Variants in LRP1B observed in about 807,000 individuals in gnomAD.
The protein encoded by LRP1B is low-density lipoprotein receptor-related protein 1B.
Under a neutral mutation model 556.6 loss-of-function variants are expected in LRP1B, and 217 were observed. The observed-to-expected ratio is 0.39, with a 90% CI of 0.35 to 0.44. The LOEUF (loss-of-function observed/expected upper bound fraction) is 0.44. LRP1B is among the 20% of genes least tolerant of loss of function. The probability of loss-of-function intolerance (pLI) is 1.00; values close to 1 mark genes in which losing one functional copy is unlikely to be tolerated. For missense variants in LRP1B, 5,053 were observed against 5,620.8 expected (o/e 0.90, Z 3.23); for synonymous variants, 2,047 against 1,865.8 (o/e 1.10, Z -2.50).
chr2:140,358,212 A>T, intron 73 of LRP1B, 96 bp from the exon 74 acceptor site: 1 of 1,171,750 alleles, frequency 8.5e-7, no homozygotes, highest in South Asian at 1.7e-5. Context: ...CTACTATGAA[A>T]AACATGGGTT....
chr2:141,620,875 A>G (rs1157579200), intron 2 of LRP1B, among the ~76,000 whole-genome samples: 1 of 152,044 alleles, frequency 6.6e-6, no homozygotes, highest in African/African-American at 2.4e-5. Flanking sequence ...ATACTGGGAA[A>G]GTTTCCAGAC....
chr2:140,237,094 G>A (rs1186889959), intron 89 of LRP1B, among the ~76,000 whole-genome samples: 1 of 150,594 alleles, frequency 6.6e-6, no homozygotes, highest in African/African-American at 2.4e-5. Context: ...TCACCTAACT[G>A]TGCAACAGAA....
chr2:141,115,605 C>T (rs1700872898), intron 7 of LRP1B, among the ~76,000 whole-genome samples: 1 of 149,850 alleles, frequency 6.7e-6, no homozygotes, highest in South Asian at 2.1e-4. Flanking sequence ...TACAGGCTCC[C>T]GCCACCATGC....
intron 3 of LRP1B, among the ~76,000 whole-genome samples, chr2:141,405,781 A>C (rs1690611320): frequency 6.6e-6 from 1 of 152,146 alleles, no homozygotes; most frequent in African/African-American, 2.4e-5. Flanking sequence ...ATATGATAAA[A>C]ATTTGGCATT....
At chr2:141,317,563 G>T (rs1687081193) in intron 3 of LRP1B, among the ~76,000 whole-genome samples, 1 of 152,122 alleles carries the variant, frequency 6.6e-6, no homozygotes, top group Admixed American at 6.5e-5. Context: ...TATGCTTTGG[G>T]GTTGAGGTGG....
intron 3 of LRP1B, among the ~76,000 whole-genome samples, chr2:141,442,620 C>T (rs1681024994): frequency 6.6e-6 from 1 of 152,030 alleles, no homozygotes; most frequent in Non-Finnish European, 1.5e-5. Flanking sequence ...TGATGTTCCC[C>T]TCCCTGTGTC....
chr2:141,443,048 C>T (rs1053963544), intron 3 of LRP1B, among the ~76,000 whole-genome samples: 1 of 152,030 alleles, frequency 6.6e-6, no homozygotes, highest in African/African-American at 2.4e-5. Flanking sequence ...CCCCACCAAC[C>T]GTGTAAAAGT....
chr2:140,391,891 C>G (rs1684038863), intron 66 of LRP1B, among the ~76,000 whole-genome samples: 1 of 152,096 alleles, frequency 6.6e-6, no homozygotes, highest in Non-Finnish European at 1.5e-5. Context: ...GCTCATCAAT[C>G]ATGCAAGTTT....
At chr2:141,091,346 G>T (rs2104910764) in intron 7 of LRP1B, among the ~76,000 whole-genome samples, 1 of 152,232 alleles carries the variant, frequency 6.6e-6, no homozygotes, top group South Asian at 2.1e-4. Context: ...GGAGACAAGA[G>T]GCTATCAAAA....
rs752526342 is a variant in LRP1B, at chr2:140,840,949, G to A, written c.5083C>T (p.Pro1695Ser). The change falls in exon 30 of 91, where the codon CCA (proline) becomes TCA (serine). Residue 1695 changes from proline to serine, a missense_variant. Coordinates refer to ENST00000389484, the MANE Select transcript of LRP1B (RefSeq NM_018557.3). Reference sequence around the variant, plus strand: ...ACTGGGTGAGCTGCAAGACACTGTGGCTTATCGATTCCATGGATAATTGAG... The same window carrying A: ...ACTGGGTGAGCTGCAAGACACTGTGACTTATCGATTCCATGGATAATTGAG... ...KTSIIHGIDK[P>S]QCLAAHPVRG... 6.2e-7 allele frequency: 1 copy of A among 1,612,994 alleles called. No individual in the cohort carries two copies. The highest frequency in any genetic ancestry group is 1.1e-5 in the South Asian group (1 of 90,930).
intron 34 of LRP1B, among the ~76,000 whole-genome samples, chr2:140,769,827 T>C: frequency 3.0e-5 from 1 of 33,520 alleles, no homozygotes; most frequent in East Asian, 0.036. Context: ...AATAGACATT[T>C]AGATTTCTTA....
chr2:142,108,327 A>C (rs938934245), intron 1 of LRP1B, among the ~76,000 whole-genome samples: 1 of 152,176 alleles, frequency 6.6e-6, no homozygotes, highest in Admixed American at 6.6e-5. Context: ...CATGGGAAAT[A>C]GCAATCCAAA....
chr2:141,119,320 G>T (rs895262763), intron 7 of LRP1B, among the ~76,000 whole-genome samples: 1 of 151,860 alleles, frequency 6.6e-6, no homozygotes. Flanking sequence ...CCACAACGTT[G>T]TACTGTATAA....
At chr2:141,343,788 T>C (rs1183297389) in intron 3 of LRP1B, among the ~76,000 whole-genome samples, 2 of 152,236 alleles carry the variant, frequency 1.3e-5, no homozygotes, top group Non-Finnish European at 2.9e-5. Context: ...AGTTTTCTTA[T>C]AAGCATGTGC....
intron 5 of LRP1B, among the ~76,000 whole-genome samples, chr2:141,246,024 T>A (rs890107739): frequency 1.2e-4 from 18 of 152,196 alleles, no homozygotes; most frequent in Admixed American, 3.3e-4. Context: ...TCATAATGCT[T>A]ATATTATTCT....
intron 1 of LRP1B, among the ~76,000 whole-genome samples, chr2:141,980,223 C>G (rs1702005048): frequency 6.6e-6 from 1 of 152,018 alleles, no homozygotes; most frequent in Non-Finnish European, 1.5e-5. Flanking sequence ...ACTGGTAAAT[C>G]TGTCCTTGGC....
chr2:141,801,694 T>C (rs1046404808), intron 2 of LRP1B, among the ~76,000 whole-genome samples: 3 of 152,146 alleles, frequency 2.0e-5, no homozygotes, highest in Non-Finnish European at 2.9e-5. Context: ...TTACATTAGG[T>C]GTTCTTAAAG....
intron 1 of LRP1B, among the ~76,000 whole-genome samples, chr2:142,117,508 C>T (rs1707314927): frequency 6.6e-6 from 1 of 152,052 alleles, no homozygotes; most frequent in African/African-American, 2.4e-5. Flanking sequence ...CTGATATCGG[C>T]AACTCAGGGG....
intron 1 of LRP1B, among the ~76,000 whole-genome samples, chr2:141,892,555 G>A (rs571179063): frequency 5.1e-4 from 78 of 152,066 alleles, no homozygotes; most frequent in Non-Finnish European, 9.6e-4. Flanking sequence ...AGAGGTTAAC[G>A]TGGAAATTTA....
Sources: allele counts gnomAD v4.1 joint callset (sites outside exome capture counted in the v4.1 genomes callset), GRCh38; gene constraint gnomAD v4.1.1; transcripts MANE v1.5; gene names NCBI Gene and HGNC (gene_info 2026-07-23, HGNC 2026-07-21).